The following STEAP4 variants were observed in gnomAD, a reference collection of about 807,000 sequenced individuals.
STEAP4 encodes the protein metalloreductase STEAP4.
STEAP4 carries 36 observed loss-of-function variants against 43.6 expected under a neutral mutation model. That is an observed-to-expected ratio of 0.83 (90% CI 0.63 to 1.09). STEAP4 has a LOEUF of 1.09. Ranked by LOEUF, STEAP4 falls within the 50% of genes least tolerant of loss-of-function variation. STEAP4 has a pLI of 0.00. For synonymous variants in STEAP4, 191 were observed against 196.7 expected (o/e 0.97, Z 0.24); for missense variants, 495 against 546.5 (o/e 0.91, Z 0.94).
chr7:88,292,366 G>A (rs1852849381), intron 1 of STEAP4: 1 of 151,930 alleles, frequency 6.6e-6, no homozygotes, highest in Non-Finnish European at 1.5e-5. Context: ...CAGCATAGTA[G>A]AAACATAAAA....
intron 1 of STEAP4, among the ~76,000 whole-genome samples, chr7:88,287,442 G>C (rs1852755217): frequency 6.6e-6 from 1 of 152,202 alleles, no homozygotes; most frequent in Non-Finnish European, 1.5e-5. Context: ...TATCATGACA[G>C]GGGGATTGCA....
intron 1 of STEAP4, among the ~76,000 whole-genome samples, chr7:88,300,628 A>G (rs1303797812): frequency 2.0e-5 from 3 of 152,182 alleles, no homozygotes; most frequent in African/African-American, 7.2e-5. Flanking sequence ...CAGTCACAGT[A>G]GGAGTTTTTA....
intron 1 of STEAP4, among the ~76,000 whole-genome samples, chr7:88,296,129 T>G (rs971861805): frequency 1.3e-5 from 2 of 152,194 alleles, no homozygotes; most frequent in Non-Finnish European, 1.5e-5. Context: ...AAATTATAAT[T>G]TGATCAGATC....
At chr7:88,301,516 AT>A (rs1435088531) in intron 1 of STEAP4, among the ~76,000 whole-genome samples, 1 of 151,914 alleles carries the variant, frequency 6.6e-6, no homozygotes, top group Admixed American at 6.6e-5. Flanking sequence ...GTCTCAAGTG[AT>A]TCTCCTACCT....
At position 88,283,997 on chromosome 7, in the gene STEAP4, TTC is replaced by T; in HGVS notation, c.271_272del (p.Glu91IlefsTer3). 6.2e-7 allele frequency: 1 copy of T among 1,614,190 alleles called. No homozygotes were observed. Among genetic ancestry groups the T allele is most frequent in the Non-Finnish European group, 8.5e-7 (1 of 1,180,028 alleles). On this transcript the variant is annotated frameshift_variant, in exon 2 of 5. Coordinates refer to ENST00000380079, the MANE Select transcript of STEAP4 (RefSeq NM_024636.4). LOFTEE classifies it high-confidence loss of function. ...TTTTTCCATTGAGAACCTCAGTTAATTCTGTGAGAAAATCATAATGCTCTCTG... is the reference window on the plus strand; with the variant it reads ...TTTTTCCATTGAGAACCTCAGTTAATTGTGAGAAAATCATAATGCTCTCTG... ...IHREHYDFLT[E>X]LTEVLNGKIL...
At chr7:88,288,028 T>C (rs751373892) in intron 1 of STEAP4, among the ~76,000 whole-genome samples, 5 of 152,246 alleles carry the variant, frequency 3.3e-5, no homozygotes, top group Non-Finnish European at 5.9e-5. Context: ...CTGATCTCTT[T>C]CACTGTCATA....
At chr7:88,288,986 C>T (rs183761327) in intron 1 of STEAP4, among the ~76,000 whole-genome samples, 1 of 152,090 alleles carries the variant, frequency 6.6e-6, no homozygotes. Context: ...TTGAATTTTT[C>T]TCAAAAATGT....
Position 88,296,011 on chromosome 7 carries a change from AAG to A in STEAP4, c.-3+10779_-3+10780del, listed in dbSNP as rs372547565. ...TGTTTTGAGTGTGCAGGCCTTGGAA[AAG>A]AGAGAGTTCAAGGTATGCCAGATTC... On this transcript the variant is annotated intron_variant, in intron 1 of 4. Transcript: ENST00000380079. Among the ~76,000 whole-genome samples, 313 of 152,278 alleles carry A rather than the reference AAG, an allele frequency of 2.1e-3. 1 individual carries two copies. The highest frequency in any genetic ancestry group is 7.3e-3 in the African/African-American group (303 of 41,568).
chr7:88,274,273 T>A lies in STEAP4; in HGVS notation c.*5125A>T, dbSNP rs1421678819. 3 of 152,244 alleles carry A rather than the reference T, an allele frequency of 2.0e-5. No homozygotes were observed. The highest frequency in any genetic ancestry group is 4.4e-5 in the Non-Finnish European group (3 of 68,046). 9.4% of individuals were successfully genotyped at this position (152,244 alleles called of 1,614,324 possible). On this transcript the variant is annotated 3_prime_UTR_variant, in exon 5 of 5. Coordinates refer to ENST00000380079, the MANE Select transcript of STEAP4 (RefSeq NM_024636.4). ...TGCATGTGAAATTGTTAGCATAGGC[T>A]TTACGCATGGCACTCTGCTGTAAGT...
At chr7:88,286,230 C>A (rs1852731600) in intron 1 of STEAP4, among the ~76,000 whole-genome samples, 1 of 152,080 alleles carries the variant, frequency 6.6e-6, no homozygotes, top group Non-Finnish European at 1.5e-5. Flanking sequence ...TTCAACATAA[C>A]AATTATAATT....
At chr7:88,301,213 G>C (rs976679283) in intron 1 of STEAP4, among the ~76,000 whole-genome samples, 11 of 152,266 alleles carry the variant, frequency 7.2e-5, no homozygotes, top group African/African-American at 2.4e-4. Flanking sequence ...CCCATTTCTT[G>C]TGCCACTTAT....
Position 88,283,114 on chromosome 7 carries a change from G to A in STEAP4, c.511C>T (p.Arg171Cys), listed in dbSNP as rs924562362. ...KAKQRVMDIV[R>C]NLGLTPMDQG... ...TCCATTGGAGTAAGTCCAAGATTAC[G>A]AACAATATCCATCACTCTTTGCTTG... is the stretch of plus-strand genomic sequence containing the variant. Residue 171 changes from arginine to cysteine, a missense_variant, in exon 3 of 5, where the codon CGT becomes TGT. Coordinates refer to ENST00000380079, the MANE Select transcript of STEAP4 (RefSeq NM_024636.4). 14 of 1,597,064 alleles carry A rather than the reference G, an allele frequency of 8.8e-6. No individual in the cohort carries two copies. Among genetic ancestry groups the A allele is most frequent in the Admixed American group, 5.3e-5 (3 of 56,914 alleles).
At position 88,284,159 on chromosome 7, in the gene STEAP4, T is replaced by A; in HGVS notation, c.111A>T (p.Lys37Asn). ...CAACAGAATAACCACACTGGAGCAT[T>A]TTCAATCCCAGTGATCTTCCAAAAT... is the stretch of plus-strand genomic sequence containing the variant. ...TGDFGRSLGL[K>N]MLQCGYSVVF... Residue 37 changes from lysine (K) to asparagine (N), a missense_variant, in exon 2 of 5, where the codon AAA becomes AAT. Transcript: ENST00000380079. 3.7e-6 allele frequency: 6 copies of A among 1,614,114 alleles called. No individual in the cohort carries two copies. The highest frequency in any genetic ancestry group is 5.1e-6 in the Non-Finnish European group (6 of 1,180,012).
chr7:88,271,493 T>A lies in STEAP4; in HGVS notation c.*7905A>T, dbSNP rs1361713529. On this transcript the variant is annotated 3_prime_UTR_variant, in exon 5 of 5. Coordinates refer to ENST00000380079, the MANE Select transcript of STEAP4 (RefSeq NM_024636.4). ...ATATGTGAAAGAAGGTGTCTTGGTTTGTTTTAAACAGCTGCATAGAATTTC... is the reference window on the plus strand; with the variant it reads ...ATATGTGAAAGAAGGTGTCTTGGTTAGTTTTAAACAGCTGCATAGAATTTC... 1 of 152,278 alleles carries A rather than the reference T, an allele frequency of 6.6e-6. No homozygotes were observed. Among genetic ancestry groups the A allele is most frequent in the African/African-American group, 2.4e-5 (1 of 41,480 alleles). 9.4% of individuals were successfully genotyped at this position (152,278 alleles called of 1,614,324 possible). A position where few individuals can be genotyped will look rare whatever the true frequency, so the allele number is the denominator to read the frequency against.
Position 88,276,680 on chromosome 7 carries a change from T to C in STEAP4, c.*2718A>G, listed in dbSNP as rs904778828. On this transcript the variant is annotated 3_prime_UTR_variant, in exon 5 of 5. Transcript: ENST00000380079. The stretch of plus-strand genomic sequence containing the variant: ...CTCATTCTTTCTACCTTAAGTAAAC[T>C]GGAGGAGTCAGCTGTGTTAATATGG... 13 of 152,956 alleles carry C rather than the reference T, an allele frequency of 8.5e-5. No homozygotes were observed. Among genetic ancestry groups the C allele is most frequent in the African/African-American group, 2.9e-4 (12 of 41,444 alleles). The allele number at this position is 152,956 out of a possible 1,614,324, so 9.5% of individuals were successfully genotyped here.
In STEAP4 at chr7:88,279,192, T is replaced by C; in HGVS notation, c.*206A>G. 1.8e-6 allele frequency: 1 copy of C among 569,554 alleles called. No individual in the cohort carries two copies. The highest frequency in any genetic ancestry group is 3.1e-6 in the Non-Finnish European group (1 of 320,438). 35.3% of individuals were successfully genotyped at this position (569,554 alleles called of 1,614,324 possible). Reference sequence around the variant, plus strand: ...AAGAGTCAGGGACCTGCACTGATTCTTCACTAACCTGAGATAAAATGGTGT... The same window carrying C: ...AAGAGTCAGGGACCTGCACTGATTCCTCACTAACCTGAGATAAAATGGTGT... On this transcript the variant is annotated 3_prime_UTR_variant, in exon 5 of 5. Coordinates refer to ENST00000380079, the MANE Select transcript of STEAP4 (RefSeq NM_024636.4).
intron 1 of STEAP4, chr7:88,292,948 T>C (rs1852860373): frequency 6.6e-6 from 1 of 152,226 alleles, no homozygotes; most frequent in Non-Finnish European, 1.5e-5. Context: ...GTTTCCAGTT[T>C]TGGCTATTAC....
chr7:88,298,628 T>A (rs1404118468), intron 1 of STEAP4, among the ~76,000 whole-genome samples: 1 of 152,148 alleles, frequency 6.6e-6, no homozygotes, highest in East Asian at 1.9e-4. Context: ...TTCATATTGC[T>A]GCCCATTCTC....
intron 3 of STEAP4, among the ~76,000 whole-genome samples, 185 bp from the exon 4 acceptor site, chr7:88,281,264 G>A (rs1395642717): frequency 6.6e-6 from 1 of 152,128 alleles, no homozygotes; most frequent in Non-Finnish European, 1.5e-5. Flanking sequence ...GGCAAAAAAA[G>A]TAATTGGTTC....
Sources: allele counts gnomAD v4.1 joint callset (sites outside exome capture counted in the v4.1 genomes callset), GRCh38; gene constraint gnomAD v4.1.1; transcripts MANE v1.5; gene names NCBI Gene and HGNC (gene_info 2026-07-23, HGNC 2026-07-21).